Variants in DHX30 observed in about 807,000 individuals in gnomAD.
The protein encoded by DHX30 is ATP-dependent RNA helicase DHX30.
DHX30 carries 4 observed loss-of-function variants against 116.9 expected under a neutral mutation model. The ratio of observed to expected loss-of-function variants is 0.03; its 90% CI spans 0.02 to 0.08. The LOEUF (loss-of-function observed/expected upper bound fraction) is 0.08. Ranked by LOEUF, DHX30 falls within the 10% of genes least tolerant of loss-of-function variation. The pLI is 1.00. For synonymous variants in DHX30, 697 were observed against 651.7 expected, an observed-to-expected ratio of 1.07 and a Z score of -1.06; for missense variants, 871 against 1,595.1, an observed-to-expected ratio of 0.55 and a Z score of 7.73.
At chr3:47,823,660 C>G (rs548675166) in intron 4 of DHX30, among the ~76,000 whole-genome samples, 16 of 152,160 alleles carry the variant, frequency 1.1e-4, no homozygotes, top group Non-Finnish European at 2.1e-4. Context: ...CTGCGCCTGG[C>G]TGATTTTTTT....
At chr3:47,845,644 G>A (rs1225600482) in intron 9 of DHX30, 56 bp from the exon 10 acceptor site, 3 of 1,455,824 alleles carry the variant, frequency 2.1e-6, no homozygotes, top group Non-Finnish European at 2.8e-6. Flanking sequence ...AGCTTGTCTG[G>A]GCTGGTTTTT....
Position 47,846,591 on chromosome 3 carries a change from C to G in DHX30, c.1519C>G (p.Leu507Val). 1 of 1,614,144 alleles carries G rather than the reference C, an allele frequency of 6.2e-7. No individual in the cohort carries two copies. The highest frequency in any genetic ancestry group is 8.5e-7 in the Non-Finnish European group (1 of 1,180,044). Residue 507 changes from leucine (L) to valine (V), a missense_variant, in exon 11 of 22, where the codon CTG (leucine) becomes GTG (valine). This residue lies in a region of DHX30 where 63 missense variants were observed against 180.6 expected (regional missense o/e 0.35). Coordinates refer to ENST00000445061, the MANE Select transcript of DHX30 (RefSeq NM_138615.3). The part of the protein sequence containing the change: ...VSVAQRVSHE[L>V]GPSLRRNVGF... ...TGTGGCACAGCGGGTCAGCCACGAA[C>G]TGGGCCCCTCCCTGCGCCGGAATGT...
intron 6 of DHX30, among the ~76,000 whole-genome samples, chr3:47,829,374 C>G (rs1419769306): frequency 9.1e-6 from 1 of 110,264 alleles, no homozygotes; most frequent in Non-Finnish European, 1.7e-5. Context: ...GTCAGAGTTT[C>G]ACTCTGTTGC....
At position 47,848,107 on chromosome 3, in the gene DHX30, G is replaced by A; in HGVS notation, c.2287-73G>A. 1 of 1,596,354 alleles carries A rather than the reference G, an allele frequency of 6.3e-7. No individual in the cohort carries two copies. The highest frequency in any genetic ancestry group is 1.1e-5 in the South Asian group (1 of 89,826). ...AGTGTTCCTGATGTAGGGGGCTGGT[G>A]AGGGTTACTCAGGGAGTGGGGAAGC... On this transcript the variant is annotated intron_variant, in intron 14 of 21. Transcript: ENST00000445061. The surrounding 1 kb of genome is among the most constrained non-coding windows in gnomAD (Gnocchi z 9.4).
At chr3:47,845,611 C>A in intron 9 of DHX30, 89 bp from the exon 10 acceptor site, 2 of 1,370,284 alleles carry the variant, frequency 1.5e-6, no homozygotes, top group Non-Finnish European at 1.9e-6. Flanking sequence ...TTACTTGGCA[C>A]AACTTATGCG....
At chr3:47,822,093 A>G (rs2036324478) in intron 4 of DHX30, 1 of 152,204 alleles carries the variant, frequency 6.6e-6, no homozygotes, top group Admixed American at 6.5e-5. Flanking sequence ...CTTTCTAACA[A>G]CAGGCAGGGG....
chr3:47,825,631 A>G (rs1400387925), intron 4 of DHX30, among the ~76,000 whole-genome samples: 1 of 152,222 alleles, frequency 6.6e-6, no homozygotes, highest in Non-Finnish European at 1.5e-5. Context: ...AAATAGAGAC[A>G]GAATGACTGT....
chr3:47,826,342 C>T (rs1256568452), intron 4 of DHX30, among the ~76,000 whole-genome samples: 1 of 152,014 alleles, frequency 6.6e-6, no homozygotes, highest in East Asian at 1.9e-4. Flanking sequence ...GAAAAAGAAG[C>T]GAGGTACCTC....
In DHX30 at chr3:47,847,395, A is replaced by T. The variant is rs1161469436; in HGVS notation, c.2006-37A>T. ...CCATGCTAGCCCTGGCCACGTTTGC[A>T]GCAACAGCTGGCTCATGCCCCAGGG... On this transcript the variant is annotated intron_variant, in intron 12 of 21. Transcript: ENST00000445061. This position sits in a 1 kb window ranked among gnomAD's most constrained non-coding sequence, Gnocchi z 5.5. 2 of 1,614,158 alleles carry T rather than the reference A, an allele frequency of 1.2e-6. No homozygotes were observed. The highest frequency in any genetic ancestry group is 4.5e-5 in the East Asian group (2 of 44,878).
At chr3:47,816,757 T>C (rs1464331427) in intron 3 of DHX30, 3 of 985,356 alleles carry the variant, frequency 3.0e-6, no homozygotes, top group Non-Finnish European at 3.6e-6. Context: ...TGTGTGCAGC[T>C]GGGACTGTGG....
intron 3 of DHX30, among the ~76,000 whole-genome samples, chr3:47,813,161 A>C (rs1471972746): frequency 2.0e-5 from 3 of 151,010 alleles, no homozygotes; most frequent in Non-Finnish European, 4.4e-5. Flanking sequence ...ATATGGTGAA[A>C]CCCCGTCTCT....
intron 6 of DHX30, among the ~76,000 whole-genome samples, chr3:47,837,655 G>A (rs2037184006): frequency 1.3e-5 from 2 of 152,204 alleles, no homozygotes; most frequent in South Asian, 4.1e-4. Context: ...CAGCTACACA[G>A]GAAGCTGAGG....
intron 5 of DHX30, among the ~76,000 whole-genome samples, chr3:47,828,463 C>CA (rs541910100): frequency 0.052 from 2,705 of 52,076 alleles, 74 homozygotes; most frequent in African/African-American, 0.12. Flanking sequence ...CTGTCCCCCA[C>CA]AAAAAAAAAA....
At position 47,849,968 on chromosome 3, in the gene DHX30, C is replaced by T; in HGVS notation, c.3433C>T (p.Leu1145=). The T allele has an allele frequency of 6.2e-7, 1 of 1,612,870 alleles. No homozygotes were observed. The highest frequency in any genetic ancestry group is 8.5e-7 in the Non-Finnish European group (1 of 1,179,720). ...GCTGCTGAAGGAGCTGCGGCGGGCC[C>T]TGGGCCGCATGGTGGAGCGGAGCCT... ...VRLLKELRRA[L]GRMVERSLRS... The change falls in exon 22 of 22, where the codon CTG becomes TTG. Residue 1145 remains leucine, a synonymous_variant. Coordinates refer to ENST00000445061, the MANE Select transcript of DHX30 (RefSeq NM_138615.3).
intron 4 of DHX30, among the ~76,000 whole-genome samples, chr3:47,821,832 C>T (rs1206938745): frequency 1.3e-5 from 2 of 152,016 alleles, no homozygotes; most frequent in East Asian, 1.9e-4. Flanking sequence ...CTCCTGACCT[C>T]AGGTGATCCA....
chr3:47,834,648 T>C (rs1012542533), intron 6 of DHX30, among the ~76,000 whole-genome samples: 3 of 152,030 alleles, frequency 2.0e-5, no homozygotes, highest in Non-Finnish European at 2.9e-5. Context: ...TTTGTAGAGA[T>C]GGGGTCTTCC....
intron 4 of DHX30, chr3:47,819,154 A>G (rs773289167): frequency 4.0e-6 from 5 of 1,249,806 alleles, no homozygotes; most frequent in Non-Finnish European, 5.4e-6. Context: ...TTTTAAAGAA[A>G]TGCCACCCCC....
chr3:47,838,404 T>G (rs1434825061), intron 6 of DHX30, among the ~76,000 whole-genome samples: 1 of 152,228 alleles, frequency 6.6e-6, no homozygotes, highest in Non-Finnish European at 1.5e-5. Flanking sequence ...GGAACATATA[T>G]CTCCATGGAT....
intron 2 of DHX30, among the ~76,000 whole-genome samples, chr3:47,807,834 G>A (rs867803754): frequency 9.6e-4 from 145 of 151,410 alleles, no homozygotes; most frequent in African/African-American, 3.2e-3. Context: ...GGCCTCAAGC[G>A]ATCCTTCACC....
Sources: allele counts gnomAD v4.1 joint callset (sites outside exome capture counted in the v4.1 genomes callset), GRCh38; gene constraint gnomAD v4.1.1; regional missense constraint gnomAD v4.1.1; non-coding constraint Gnocchi (gnomAD v3.1); transcripts MANE v1.5; gene names NCBI Gene and HGNC (gene_info 2026-07-23, HGNC 2026-07-21).